The following FBLN7 variants were observed in gnomAD, a reference collection of about 807,000 sequenced individuals.
The protein encoded by FBLN7 is fibulin-7.
Under a neutral mutation model 44.0 loss-of-function variants are expected in FBLN7, and 31 were observed. The ratio of observed to expected loss-of-function variants is 0.70; its 90% CI spans 0.53 to 0.95. FBLN7 has a LOEUF of 0.95. Among genes scored for constraint, FBLN7 ranks in the 40% least tolerant of loss-of-function variants. FBLN7 has a pLI of 0.00. For missense variants in FBLN7, 573 were observed against 618.5 expected (o/e 0.93, Z 0.78); for synonymous variants, 262 against 253.4 (o/e 1.03, Z -0.32).
downstream of FBLN7, among the ~76,000 whole-genome samples, chr2:112,192,295 G>A (rs184700687): frequency 6.6e-6 from 1 of 152,226 alleles, no homozygotes; most frequent in African/African-American, 2.4e-5. Flanking sequence ...CAACAGCAAT[G>A]TATGAACATT....
At chr2:112,160,726 ACG>A (rs1483409075) in intron 2 of FBLN7, among the ~76,000 whole-genome samples, 1 of 132,662 alleles carries the variant, frequency 7.5e-6, no homozygotes, top group Non-Finnish European at 1.6e-5. Flanking sequence ...GCACGCGCAC[ACG>A]CACGCACACG....
At chr2:112,208,057 A>C in the FBLN7 span, among the ~76,000 whole-genome samples, 1 of 152,360 alleles carries the variant, frequency 6.6e-6, no homozygotes, top group Non-Finnish European at 1.5e-5. Context: ...GACAACATGT[A>C]AACAAATGGG....
At chr2:112,234,577 G>A in the FBLN7 span, among the ~76,000 whole-genome samples, 29 of 152,248 alleles carry the variant, frequency 1.9e-4, no homozygotes, top group African/African-American at 7.0e-4. Context: ...GAGGCGGGTG[G>A]ACCACTTGAG....
chr2:112,228,914 GATCTAA>G, the FBLN7 span, among the ~76,000 whole-genome samples: 1 of 151,576 alleles, frequency 6.6e-6, no homozygotes, highest in Non-Finnish European at 1.5e-5. Flanking sequence ...AATGGGCAGA[GATCTAA>G]ACTGACTAAT....
intron 3 of FBLN7, 69 bp from the exon 4 acceptor site, chr2:112,175,645 G>GT (rs1682702442): frequency 6.3e-7 from 1 of 1,581,436 alleles, no homozygotes; most frequent in Non-Finnish European, 8.6e-7. Flanking sequence ...CCCTTCATCA[G>GT]TTTTTTATTG....
chr2:112,143,205 G>C (rs1680738071), intron 1 of FBLN7, among the ~76,000 whole-genome samples: 1 of 152,212 alleles, frequency 6.6e-6, no homozygotes. Flanking sequence ...GGTGTGCAGA[G>C]AGCAGGAGCC....
chr2:112,162,106 C>T (rs1042282513), intron 2 of FBLN7, among the ~76,000 whole-genome samples: 2 of 152,160 alleles, frequency 1.3e-5, no homozygotes, highest in East Asian at 3.9e-4. Context: ...CTGCAGCCTC[C>T]CAGGCTCAAG....
At chr2:112,173,444 CAA>C (rs1408393768) in intron 3 of FBLN7, among the ~76,000 whole-genome samples, 6 of 148,848 alleles carry the variant, frequency 4.0e-5, no homozygotes, top group Non-Finnish European at 5.9e-5. Context: ...AGAAAACACT[CAA>C]AAATGAGGTG....
rs140248959 is a variant in FBLN7 at position 112,146,352 on chromosome 2, C to G, written c.75+7622C>G. ...CAAAAACAACAACAGCAACCAGAAA[C>G]TACTGGAATTTGTATTGGGATTGCA... On this transcript the variant is annotated intron_variant, in intron 1 of 7. Transcript: ENST00000331203. Among the ~76,000 whole-genome samples the G allele has an allele frequency of 7.9e-5, 12 of 152,244 alleles. No individual in the cohort carries two copies. The East Asian group carries it at 2.3e-3, about 29-fold the overall frequency.
intron 2 of FBLN7, among the ~76,000 whole-genome samples, chr2:112,160,192 T>A (rs367818059): frequency 3.0e-4 from 44 of 149,108 alleles, no homozygotes; most frequent in East Asian, 4.0e-4. Flanking sequence ...GGGTTTCACC[T>A]TGTTAGCCAG....
chr2:112,203,240 A>G, the FBLN7 span, among the ~76,000 whole-genome samples: 1 of 152,230 alleles, frequency 6.6e-6, no homozygotes, highest in African/African-American at 2.4e-5. Context: ...AGCCTAAGGC[A>G]GAGTTGTAAA....
intron 1 of FBLN7, among the ~76,000 whole-genome samples, chr2:112,141,159 A>G (rs776230162): frequency 2.3e-4 from 35 of 152,176 alleles, no homozygotes; most frequent in Non-Finnish European, 4.6e-4. Flanking sequence ...GGTGCGCCTC[A>G]GGCTCCCTGC....
intron 3 of FBLN7, among the ~76,000 whole-genome samples, chr2:112,174,729 A>T (rs1343836091): frequency 6.6e-6 from 1 of 152,050 alleles, no homozygotes; most frequent in Non-Finnish European, 1.5e-5. Flanking sequence ...TTTGTTTTTG[A>T]GACGGAGTCT....
At chr2:112,232,844 T>C in the FBLN7 span, among the ~76,000 whole-genome samples, 1 of 152,234 alleles carries the variant, frequency 6.6e-6, no homozygotes, top group Non-Finnish European at 1.5e-5. Flanking sequence ...GCTAAGGCTA[T>C]TCTGCAAATT....
intron 4 of FBLN7, chr2:112,176,316 A>G (rs1320792025): frequency 2.0e-5 from 3 of 152,980 alleles, no homozygotes; most frequent in Admixed American, 6.5e-5. Flanking sequence ...GAGTCTCAAC[A>G]TATCTCGACC....
At chr2:112,147,928 C>T (rs1451140078) in intron 1 of FBLN7, among the ~76,000 whole-genome samples, 5 of 152,036 alleles carry the variant, frequency 3.3e-5, no homozygotes, top group African/African-American at 7.2e-5. Context: ...GTGGCTGAAT[C>T]CTACAGTTGG....
the FBLN7 span, among the ~76,000 whole-genome samples, chr2:112,199,032 C>T: frequency 6.6e-6 from 1 of 152,288 alleles, no homozygotes; most frequent in African/African-American, 2.4e-5. Context: ...CTAATTAAAG[C>T]CAGGCTCTGC....
chr2:112,241,039 C>T, the FBLN7 span, among the ~76,000 whole-genome samples: 1 of 147,042 alleles, frequency 6.8e-6, no homozygotes, highest in Admixed American at 6.8e-5. Context: ...GTATGGGAGG[C>T]ATGAAGTGCA....
intron 1 of FBLN7, among the ~76,000 whole-genome samples, chr2:112,150,590 C>G (rs752502779): frequency 2.0e-5 from 3 of 152,188 alleles, no homozygotes; most frequent in Middle Eastern, 3.4e-3. Flanking sequence ...AAATGCTGTT[C>G]TGGGAGGCCT....
Sources: allele counts gnomAD v4.1 joint callset (sites outside exome capture counted in the v4.1 genomes callset), GRCh38; gene constraint gnomAD v4.1.1; transcripts MANE v1.5; gene names NCBI Gene and HGNC (gene_info 2026-07-23, HGNC 2026-07-21).